Variants in GRIA2 observed in about 807,000 individuals in gnomAD.
GRIA2 encodes glutamate ionotropic receptor AMPA type subunit 2.
A neutral mutation model predicts 97.3 loss-of-function variants in GRIA2; 14 were observed. The ratio of observed to expected loss-of-function variants is 0.14; its 90% CI spans 0.10 to 0.23. The LOEUF (loss-of-function observed/expected upper bound fraction) is 0.23, where lower values mean the gene tolerates loss of function less well. Among genes scored for constraint, GRIA2 ranks in the 10% least tolerant of loss-of-function variants. The pLI, the probability that GRIA2 is intolerant of heterozygous loss-of-function variation, is 1.00. For synonymous variants in GRIA2, 412 were observed against 387.8 expected (o/e 1.06, Z -0.73); for missense variants, 558 against 1,069.8 (o/e 0.52, Z 6.67).
At chr4:157,326,679 T>A (rs941788663) in intron 6 of GRIA2, among the ~76,000 whole-genome samples, 3 of 152,186 alleles carry the variant, frequency 2.0e-5, no homozygotes, top group African/African-American at 7.2e-5. Context: ...ATATGTAATG[T>A]CTCCAGTGCA....
At chr4:157,285,958 TATA>T (rs1732825288) in intron 2 of GRIA2, among the ~76,000 whole-genome samples, 1 of 151,516 alleles carries the variant, frequency 6.6e-6, no homozygotes. Flanking sequence ...TAGTAGGTGA[TATA>T]ATAATAAGGA....
chr4:157,225,121 T>C (rs1054069107), intron 2 of GRIA2, among the ~76,000 whole-genome samples: 7 of 152,094 alleles, frequency 4.6e-5, no homozygotes, highest in African/African-American at 1.7e-4. Flanking sequence ...TCCAGGGAGA[T>C]CCACTGAATG....
chr4:157,248,710 T>C (rs982025013), intron 2 of GRIA2, among the ~76,000 whole-genome samples: 2 of 142,484 alleles, frequency 1.4e-5, no homozygotes, highest in East Asian at 4.1e-4. Flanking sequence ...CAAGTATATA[T>C]ATACACATAT....
Position 157,332,889 on chromosome 4 carries a change from G to T in GRIA2, c.953G>T (p.Arg318Ile), listed in dbSNP as rs1378855613. The T allele has an allele frequency of 1.2e-6, 2 of 1,612,498 alleles. No homozygotes were observed. The highest frequency in any genetic ancestry group is 1.7e-6 in the Non-Finnish European group (2 of 1,178,962). The stretch of plus-strand genomic sequence containing the variant: ...GCCTTCCGCAACCTAAGGAAGCAAA[G>T]AATTGAAATCTCCCGAAGGGGGAAT... The part of the protein sequence containing the change: ...TEAFRNLRKQ[R>I]IEISRRGNAG... The change falls in exon 7 of 16, where the codon AGA (arginine) becomes ATA (isoleucine). Residue 318 changes from arginine (R) to isoleucine (I), a missense_variant. Around this residue, in one of 8 missense-constraint regions of GRIA2, gnomAD observed 173 missense variants for 209.1 expected, o/e 0.83. Transcript: ENST00000264426.
intron 2 of GRIA2, among the ~76,000 whole-genome samples, chr4:157,273,491 A>C (rs1391104476): frequency 6.6e-6 from 1 of 152,102 alleles, no homozygotes; most frequent in African/African-American, 2.4e-5. Context: ...AAAAGTAAAC[A>C]GTATGCAGTT....
chr4:157,255,552 G>C (rs1019961679), intron 2 of GRIA2, among the ~76,000 whole-genome samples: 3 of 151,674 alleles, frequency 2.0e-5, no homozygotes, highest in Non-Finnish European at 4.4e-5. Flanking sequence ...TTTTCTCTGC[G>C]TCCTCACCAA....
At chr4:157,314,805 A>G (rs1211264570) in intron 4 of GRIA2, among the ~76,000 whole-genome samples, 1 of 152,176 alleles carries the variant, frequency 6.6e-6, no homozygotes, top group African/African-American at 2.4e-5. Flanking sequence ...AGTCCCTTGA[A>G]TGTATTAAAT....
intron 2 of GRIA2, among the ~76,000 whole-genome samples, chr4:157,273,977 G>A (rs527771717): frequency 1.3e-5 from 2 of 152,074 alleles, no homozygotes; most frequent in East Asian, 3.9e-4. Context: ...ACATACATGG[G>A]AAAAATATCT....
chr4:157,316,883 G>T (rs1734346668), intron 4 of GRIA2, among the ~76,000 whole-genome samples: 1 of 152,178 alleles, frequency 6.6e-6, no homozygotes, highest in African/African-American at 2.4e-5. Context: ...TGGCCAGTTT[G>T]CCTATTTCTA....
At chr4:157,220,689 TGA>T (rs1033352853), upstream of GRIA2, 3 of 283,580 alleles carry the variant, frequency 1.1e-5, no homozygotes, top group South Asian at 5.3e-5. Flanking sequence ...CGCGCGTGAG[TGA>T]GAGAGGAGAG....
At chr4:157,232,949 G>A (rs1425493825) in intron 2 of GRIA2, among the ~76,000 whole-genome samples, 1 of 152,158 alleles carries the variant, frequency 6.6e-6, no homozygotes, top group Admixed American at 6.5e-5. Flanking sequence ...TTATAGGATT[G>A]TTTGCAAGAT....
chr4:157,235,688 A>C (rs1179634107), intron 2 of GRIA2, among the ~76,000 whole-genome samples: 1 of 152,002 alleles, frequency 6.6e-6, no homozygotes, highest in Admixed American at 6.6e-5. Flanking sequence ...AAAAAGTTTC[A>C]ATTTTTCGCA....
chr4:157,336,354 A>G (rs763045357), intron 10 of GRIA2, 23 bp from the exon 11 acceptor site: 3 of 1,512,178 alleles, frequency 2.0e-6, no homozygotes, highest in South Asian at 1.3e-5. Flanking sequence ...AGGTACTATT[A>G]CTTTCCTTTT....
At chr4:157,221,372 T>C (rs1729484537) in intron 1 of GRIA2, 1 of 565,068 alleles carries the variant, frequency 1.8e-6, no homozygotes, top group Admixed American at 3.4e-5. Context: ...TAATTCTGCC[T>C]TAGCGACATT....
intron 2 of GRIA2, among the ~76,000 whole-genome samples, chr4:157,254,237 C>T (rs926112370): frequency 6.6e-6 from 1 of 151,940 alleles, no homozygotes; most frequent in Non-Finnish European, 1.5e-5. Context: ...AACATAAGCT[C>T]TCTATTTTCT....
intron 2 of GRIA2, among the ~76,000 whole-genome samples, chr4:157,245,416 G>A (rs959784456): frequency 6.6e-6 from 1 of 152,016 alleles, no homozygotes; most frequent in African/African-American, 2.4e-5. Context: ...AAGGAATAGA[G>A]TCCAACTTAT....
At chr4:157,335,418 T>C in intron 9 of GRIA2, 1 of 474,272 alleles carries the variant, frequency 2.1e-6, no homozygotes, top group South Asian at 2.3e-5. Context: ...AAAGAGTTTG[T>C]GGTTTTGAGT....
chr4:157,244,118 T>C (rs181176746), intron 2 of GRIA2, among the ~76,000 whole-genome samples: 85 of 151,292 alleles, frequency 5.6e-4, no homozygotes, highest in African/African-American at 1.9e-3. Context: ...ATATGAAGAG[T>C]TGGGGAAAGA....
chr4:157,338,177 A>T (rs978171358), intron 11 of GRIA2, among the ~76,000 whole-genome samples: 2 of 151,588 alleles, frequency 1.3e-5, no homozygotes, highest in African/African-American at 4.8e-5. Flanking sequence ...GGCAAATACT[A>T]ACCAAATTGG....
Sources: allele counts gnomAD v4.1 joint callset (sites outside exome capture counted in the v4.1 genomes callset), GRCh38; gene constraint gnomAD v4.1.1; regional missense constraint gnomAD v4.1.1; transcripts MANE v1.5; gene names NCBI Gene and HGNC (gene_info 2026-07-23, HGNC 2026-07-21).